The following DLGAP2 variants were observed in gnomAD, a reference collection of about 807,000 sequenced individuals.
DLGAP2 encodes disks large-associated protein 2.
A neutral mutation model predicts 100.3 loss-of-function variants in DLGAP2; 26 were observed. The ratio of observed to expected loss-of-function variants is 0.26; its 90% CI spans 0.19 to 0.36. The LOEUF (loss-of-function observed/expected upper bound fraction) is 0.36, where lower values mean the gene tolerates loss of function less well. Among genes scored for constraint, DLGAP2 ranks in the 10% least tolerant of loss-of-function variants. The pLI, the probability that DLGAP2 is intolerant of heterozygous loss-of-function variation, is 1.00. For synonymous variants in DLGAP2, 886 were observed against 630.1 expected, an observed-to-expected ratio of 1.41 and a Z score of -6.08; for missense variants, 1,858 against 1,453.2, an observed-to-expected ratio of 1.28 and a Z score of -4.53.
At chr8:1,112,957 G>C (rs1805007254) in intron 2 of DLGAP2, among the ~76,000 whole-genome samples, 2 of 152,136 alleles carry the variant, frequency 1.3e-5, no homozygotes, top group Admixed American at 6.5e-5. Context: ...TTGTTGACTA[G>C]GGAGTCTTTT....
chr8:1,430,900 G>T (rs1353650705), intron 3 of DLGAP2, among the ~76,000 whole-genome samples: 3 of 152,208 alleles, frequency 2.0e-5, no homozygotes, highest in Non-Finnish European at 4.4e-5. Flanking sequence ...ATAATGAAAA[G>T]ATCTGGTTTC....
chr8:1,129,048 C>T (rs1796231789), intron 2 of DLGAP2, among the ~76,000 whole-genome samples: 1 of 152,218 alleles, frequency 6.6e-6, no homozygotes, highest in African/African-American at 2.4e-5. Context: ...AACAAACTCA[C>T]AATTCCACTT....
At chr8:1,637,834 G>A (rs1011091690) in intron 8 of DLGAP2, among the ~76,000 whole-genome samples, 1 of 152,188 alleles carries the variant, frequency 6.6e-6, no homozygotes, top group African/African-American at 2.4e-5. Flanking sequence ...TGGGTGCTGT[G>A]AGATGTGTGT....
At chr8:1,523,635 T>C (rs746795027) in intron 4 of DLGAP2, among the ~76,000 whole-genome samples, 23 of 152,346 alleles carry the variant, frequency 1.5e-4, no homozygotes, top group Middle Eastern at 3.4e-3. Context: ...GGCAGGGCTT[T>C]GGTGGTCCAT....
At chr8:1,430,783 A>AAGACT (rs1441321120) in intron 3 of DLGAP2, among the ~76,000 whole-genome samples, 1 of 152,250 alleles carries the variant, frequency 6.6e-6, no homozygotes, top group East Asian at 1.9e-4. Context: ...ACAGTTATTG[A>AAGACT]AACATCCTTT....
At chr8:1,677,449 G>C (rs1449721832) in intron 11 of DLGAP2, among the ~76,000 whole-genome samples, 1 of 152,160 alleles carries the variant, frequency 6.6e-6, no homozygotes, top group African/African-American at 2.4e-5. Context: ...ATGCACAGCT[G>C]TGTGCTTCTA....
chr8:966,164 C>T (rs17065500), intron 2 of DLGAP2, among the ~76,000 whole-genome samples: 2,837 of 152,288 alleles, frequency 0.019, 91 homozygotes, highest in African/African-American at 0.063. Flanking sequence ...GCAGCTGTAA[C>T]ATCTGGACCA....
chr8:884,138 T>G (rs1025690529), intron 1 of DLGAP2, among the ~76,000 whole-genome samples: 115 of 152,208 alleles, frequency 7.6e-4, no homozygotes, highest in Non-Finnish European at 1.8e-4. Context: ...TGATTTATAA[T>G]TCTTTGGGAA....
At chr8:1,339,693 C>T (rs760396709) in intron 3 of DLGAP2, among the ~76,000 whole-genome samples, 25 of 152,132 alleles carry the variant, frequency 1.6e-4, no homozygotes, top group South Asian at 2.1e-4. Context: ...TAGGGGGATC[C>T]GGAGTCTCAG....
intron 2 of DLGAP2, chr8:1,246,870 T>G (rs34887829): frequency 0.19 from 11,451 of 59,560 alleles, 1,030 homozygotes; most frequent in South Asian, 0.28. Context: ...TTTGAGATCA[T>G]TGTGGGAGTA....
At chr8:1,209,074 G>T (rs1798052641) in intron 2 of DLGAP2, among the ~76,000 whole-genome samples, 1 of 151,964 alleles carries the variant, frequency 6.6e-6, no homozygotes, top group Non-Finnish European at 1.5e-5. Flanking sequence ...TGACCATACT[G>T]CCAAACACAA....
At chr8:1,619,842 T>C (rs1797270545) in intron 6 of DLGAP2, 2 of 152,206 alleles carry the variant, frequency 1.3e-5, no homozygotes, top group African/African-American at 2.4e-5. Flanking sequence ...CATCAACACA[T>C]GTGCTCCACT....
chr8:743,060 G>C (rs6559172), intron 1 of DLGAP2, among the ~76,000 whole-genome samples: 58,107 of 152,004 alleles, frequency 0.38, 12,137 homozygotes, highest in African/African-American at 0.55. Flanking sequence ...TCTCAAAACT[G>C]TTTTATTTAT....
At chr8:910,931 T>G (rs1413066712) in intron 2 of DLGAP2, among the ~76,000 whole-genome samples, 2 of 152,142 alleles carry the variant, frequency 1.3e-5, no homozygotes, top group Non-Finnish European at 2.9e-5. Context: ...CGGGCCCACT[T>G]GCTGCTGGAC....
intron 2 of DLGAP2, among the ~76,000 whole-genome samples, chr8:1,198,398 C>A (rs1214306002): frequency 6.6e-6 from 1 of 152,164 alleles, no homozygotes; most frequent in African/African-American, 2.4e-5. Flanking sequence ...CAGAGAGCTG[C>A]CTGGACCTTG....
chr8:869,338 G>C (rs1404377138), intron 1 of DLGAP2, among the ~76,000 whole-genome samples: 1 of 152,200 alleles, frequency 6.6e-6, no homozygotes, highest in Non-Finnish European at 1.5e-5. Flanking sequence ...TCCGTTACAA[G>C]AGTCACGCCC....
intron 3 of DLGAP2, among the ~76,000 whole-genome samples, chr8:1,446,665 G>C (rs556367744): frequency 0.014 from 2,093 of 152,100 alleles, 57 homozygotes; most frequent in African/African-American, 0.048. Context: ...GGCATTGAAT[G>C]TATAAATTAC....
Position 748,051 on chromosome 8 carries a change from G to GGATGGGCGGGTCTGCGGTA in DLGAP2, c.18+10227_18+10228insATGGGCGGGTCTGCGGTAG, listed in dbSNP as rs1820687937. On this transcript the variant is annotated intron_variant, in intron 1 of 14. Coordinates refer to ENST00000637795, the MANE Select transcript of DLGAP2 (RefSeq NM_001346810.2). ...GCGGTGGGATGGGCGGGTCTGCGGTGGGATGGGCGGGTCTGCGGTGGGATG... is the reference window on the plus strand; with the variant it reads ...GCGGTGGGATGGGCGGGTCTGCGGTGGATGGGCGGGTCTGCGGTAGGATGGGCGGGTCTGCGGTGGGATG... Among the ~76,000 whole-genome samples the GGATGGGCGGGTCTGCGGTA allele has an allele frequency of 9.8e-5, 2 of 20,482 alleles. 1 individual carries two copies. The highest frequency in any genetic ancestry group is 1.8e-4 in the Non-Finnish European group (2 of 11,056). The allele number at this position is 20,482 out of a possible 152,430, so 13.4% of individuals were successfully genotyped here.
intron 3 of DLGAP2, among the ~76,000 whole-genome samples, chr8:1,429,176 G>C (rs1289715664): frequency 6.6e-6 from 1 of 152,178 alleles, no homozygotes; most frequent in South Asian, 2.1e-4. Context: ...GATAGTTTCT[G>C]ATTGGTGGAG....
Sources: allele counts gnomAD v4.1 joint callset (sites outside exome capture counted in the v4.1 genomes callset), GRCh38; gene constraint gnomAD v4.1.1; transcripts MANE v1.5; gene names NCBI Gene and HGNC (gene_info 2026-07-23, HGNC 2026-07-21).